Variants in PYROXD2 observed in about 807,000 individuals in gnomAD.
PYROXD2 encodes the protein pyridine nucleotide-disulfide oxidoreductase domain-containing protein 2.
PYROXD2 carries 69 observed loss-of-function variants against 71.1 expected under a neutral mutation model. That is an observed-to-expected ratio of 0.97 (90% CI 0.80 to 1.19). The LOEUF (loss-of-function observed/expected upper bound fraction) is 1.19, where lower values mean the gene tolerates loss of function less well. Ranked by LOEUF, PYROXD2 falls within the 50% of genes most tolerant of loss-of-function variation. The probability of loss-of-function intolerance (pLI) is 0.00; values close to 1 mark genes in which losing one functional copy is unlikely to be tolerated. For missense variants in PYROXD2, 745 were observed against 748.9 expected, an observed-to-expected ratio of 0.99 and a Z score of 0.06; for synonymous variants, 287 against 302.7, an observed-to-expected ratio of 0.95 and a Z score of 0.54.
At chr10:98,410,001 C>T (rs1435569266) in intron 2 of PYROXD2, among the ~76,000 whole-genome samples, 1 of 152,016 alleles carries the variant, frequency 6.6e-6, no homozygotes, top group East Asian at 1.9e-4. Context: ...TTGCTTGAAC[C>T]CGGGAAGTAG....
Position 98,400,253 on chromosome 10 carries a change from T to C in PYROXD2, c.320A>G (p.His107Arg), listed in dbSNP as rs186622063. Residue 107 changes from histidine (H) to arginine (R), a missense_variant, in exon 5 of 16, where the codon CAT (histidine) becomes CGT (arginine). By Grantham distance (29) the His-to-Arg change is conservative. Transcript: ENST00000370575. Reference protein sequence around the residue: ...QIYTDLELKKHGLRLHLRNPY... With the variant: ...QIYTDLELKKRGLRLHLRNPY... ...GTTTCGAAGATGAAGCCTCAGCCCA[T>C]GTTTCTGCAAAACACAAATAGCATG... 45 of 1,608,506 alleles carry C rather than the reference T, an allele frequency of 2.8e-5. No individual in the cohort carries two copies. In the East Asian group the frequency reaches 3.6e-4, roughly 13 times the overall value.
rs1842782387 is a variant in PYROXD2, at chr10:98,387,219, G to C, written c.1536C>G (p.Ile512Met). 6 of 1,614,072 alleles carry C rather than the reference G, an allele frequency of 3.7e-6. No individual in the cohort carries two copies. In the East Asian group the frequency reaches 1.3e-4, roughly 36 times the overall value. Residue 512 changes from isoleucine (I) to methionine (M), a missense_variant, in exon 14 of 16, where the codon ATC (isoleucine) becomes ATG (methionine). Transcript: ENST00000370575. ...DILTPPDLER[I>M]FGLPGGNIFH... is the part of the protein sequence containing the mutation. ...TACATACCCCTCCAGGAAGCCCGAA[G>C]ATTCTCTCCAAATCTGGTGGTGTGA...
At chr10:98,411,036 T>C (rs1424004276) in intron 1 of PYROXD2, 78 bp from the exon 2 acceptor site, 7 of 1,546,014 alleles carry the variant, frequency 4.5e-6, no homozygotes, top group Admixed American at 3.9e-5. Flanking sequence ...AGGAATGTGC[T>C]CCCCGCTGCC....
chr10:98,389,598 A>G (rs1332997310), intron 12 of PYROXD2, among the ~76,000 whole-genome samples: 1 of 151,978 alleles, frequency 6.6e-6, no homozygotes, highest in African/African-American at 2.4e-5. Flanking sequence ...ATACAGCAGC[A>G]CACTCCTGCC....
intron 1 of PYROXD2, chr10:98,411,959 A>G (rs1424075314): frequency 6.6e-6 from 1 of 152,238 alleles, no homozygotes; most frequent in Non-Finnish European, 1.5e-5. Flanking sequence ...AACAGATGGA[A>G]TCTGTCTCTC....
chr10:98,414,240 C>T (rs1843891208), intron 1 of PYROXD2: 2 of 152,118 alleles, frequency 1.3e-5, no homozygotes, highest in Non-Finnish European at 2.9e-5. Flanking sequence ...CGTCTGCTTT[C>T]GGTCCCGTCA....
At position 98,395,414 on chromosome 10, in the gene PYROXD2, C is replaced by T. The variant is rs776206354; in HGVS notation, c.664G>A (p.Val222Ile). The change falls in exon 7 of 16, where the codon GTC becomes ATC. Residue 222 changes from valine to isoleucine, a missense_variant. Val to Ile is a conservative substitution (Grantham distance 29). Transcript: ENST00000370575. The part of the protein sequence containing the change: ...LGAQLPRYYE[V>I]LTAPITKVLD... ...ACCTTGGTAATGGGAGCTGTGAGGA[C>T]CTCATAATATCGGGGAAGCTGGGCT... 7 of 1,614,074 alleles carry T rather than the reference C, an allele frequency of 4.3e-6. No homozygotes were observed. In the African/African-American group the frequency reaches 8.0e-5, roughly 18 times the overall value.
intron 2 of PYROXD2, 62 bp from the exon 3 acceptor site, chr10:98,408,059 C>T (rs1299814952): frequency 7.4e-6 from 11 of 1,490,766 alleles, no homozygotes; most frequent in African/African-American, 4.2e-5. Flanking sequence ...AGGGCTCCCT[C>T]GGGCTGACCC....
chr10:98,391,847 C>A (rs1367598438), intron 10 of PYROXD2, among the ~76,000 whole-genome samples: 1 of 152,134 alleles, frequency 6.6e-6, no homozygotes, highest in Non-Finnish European at 1.5e-5. Context: ...GTCATCCCAG[C>A]AGAAACGGTC....
chr10:98,408,845 TG>T (rs1322858183), intron 2 of PYROXD2, among the ~76,000 whole-genome samples: 1 of 152,214 alleles, frequency 6.6e-6, no homozygotes, highest in Non-Finnish European at 1.5e-5. Flanking sequence ...GTGAGTACAT[TG>T]TCTTGTTTAA....
rs762128131 is a variant in PYROXD2, at chr10:98,407,549, C to A, written c.315+33G>T. ...TTGGGAAGATGGAACTGCCTCCTCC[C>A]TCCGTGCAATCGGGCCGGCGGGGGG... On this transcript the variant is annotated intron_variant, in intron 4 of 15. Coordinates refer to ENST00000370575, the MANE Select transcript of PYROXD2 (RefSeq NM_032709.3). 4 of 1,611,310 alleles carry A rather than the reference C, an allele frequency of 2.5e-6. 1 individual carries two copies. In the African/African-American group the frequency reaches 5.3e-5, roughly 22 times the overall value.
At chr10:98,393,197 G>A (rs1365311086) in intron 8 of PYROXD2, 114 bp from the exon 9 acceptor site, 37 of 822,164 alleles carry the variant, frequency 4.5e-5, no homozygotes, top group Non-Finnish European at 6.7e-5. Flanking sequence ...CCACCATCCA[G>A]CCCTCTCCCA....
At chr10:98,383,960 C>T in intron 15 of PYROXD2, 92 bp from the exon 16 acceptor site, 2 of 1,125,394 alleles carry the variant, frequency 1.8e-6, no homozygotes, top group South Asian at 2.5e-5. Context: ...AGCAACAAAG[C>T]AGAGTGGGGC....
intron 5 of PYROXD2, among the ~76,000 whole-genome samples, chr10:98,397,884 T>C (rs887136087): frequency 0.013 from 1,899 of 142,310 alleles, 46 homozygotes; most frequent in African/African-American, 0.047. Context: ...CTTCTTTTTT[T>C]TTTTTTTTTT....
chr10:98,385,211 AGGAGATGAGAC>A, intron 14 of PYROXD2, 144 bp from the exon 15 acceptor site: 2 of 1,217,886 alleles, frequency 1.6e-6, no homozygotes, highest in Non-Finnish European at 2.3e-6. Context: ...CAGAAAGGGA[AGGAGATGAGAC>A]GGAATGGGCA....
rs376191485 is a variant in PYROXD2 at position 98,407,937 on chromosome 10, C to G, written c.208G>C (p.Gly70Arg). ...TAVFERRHVI[G>R]GAAVTEEIIP... ...ATCTCCTCAGTGACAGCTGCACCCC[C>G]GATCACATGGCGCCTCTCGAAGACG... Residue 70 changes from glycine (G) to arginine (R), a missense_variant, in exon 3 of 16, where the codon GGG becomes CGG. Coordinates refer to ENST00000370575, the MANE Select transcript of PYROXD2 (RefSeq NM_032709.3). 2.5e-6 allele frequency: 4 copies of G among 1,610,992 alleles called. No homozygotes were observed. In the African/African-American group the frequency reaches 5.3e-5, roughly 22 times the overall value.
intron 6 of PYROXD2, among the ~76,000 whole-genome samples, 172 bp downstream of exon 6, chr10:98,397,173 T>G (rs192622559): frequency 6.6e-6 from 1 of 152,370 alleles, no homozygotes; most frequent in Non-Finnish European, 1.5e-5. Flanking sequence ...CATATCAGCC[T>G]AAGATGCTCT....
chr10:98,388,267 C>T, intron 13 of PYROXD2, 87 bp downstream of exon 13: 6 of 1,379,496 alleles, frequency 4.3e-6, no homozygotes, highest in Middle Eastern at 1.9e-4. Flanking sequence ...AGTTGTCAAT[C>T]CTGAATGGGG....
chr10:98,406,141 C>G (rs573201023), intron 4 of PYROXD2, among the ~76,000 whole-genome samples: 1 of 152,320 alleles, frequency 6.6e-6, no homozygotes, highest in African/African-American at 2.4e-5. Flanking sequence ...TCTCCCTGCT[C>G]TGAGCTCCAT....
Sources: gnomAD v4.1 joint callset for allele counts (sites outside exome capture counted in the v4.1 genomes callset) on GRCh38, gnomAD v4.1.1 for gene constraint, MANE v1.5 for transcripts, NCBI Gene and HGNC (gene_info 2026-07-23, HGNC 2026-07-21) for gene names.